The following SECISBP2 variants were observed in gnomAD, a reference collection of about 807,000 sequenced individuals.
The protein encoded by SECISBP2 is SECIS binding protein 2, also known as selenocysteine insertion sequence-binding protein 2.
Under a neutral mutation model 98.2 loss-of-function variants are expected in SECISBP2, and 96 were observed. That is an observed-to-expected ratio of 0.98 (90% confidence interval 0.83 to 1.16). SECISBP2 has a LOEUF of 1.16. Ranked by LOEUF, SECISBP2 falls within the 50% of genes most tolerant of loss-of-function variation. The pLI is 0.00. For missense variants in SECISBP2, 1,046 were observed against 1,022.9 expected (o/e 1.02, Z -0.31); for synonymous variants, 407 against 370.2 (o/e 1.10, Z -1.14).
intron 16 of SECISBP2, 113 bp from the exon 17 acceptor site, chr9:89,358,608 G>A (rs893136682): frequency 6.6e-6 from 5 of 760,976 alleles, no homozygotes; most frequent in Admixed American, 3.9e-5. Context: ...TCTGAGCACC[G>A]TGAGCTGCTG....
intron 5 of SECISBP2, chr9:89,330,118 A>G (rs966896756): frequency 3.9e-5 from 6 of 152,226 alleles, no homozygotes; most frequent in Admixed American, 6.5e-5. Flanking sequence ...GAACCTGTCC[A>G]TGGTACTGAG....
downstream of SECISBP2, chr9:89,362,461 TG>T: frequency 6.2e-7 from 1 of 1,613,976 alleles, no homozygotes; most frequent in East Asian, 2.2e-5. Flanking sequence ...GAATCCTTGG[TG>T]GAACGGATGG....
In SECISBP2 at chr9:89,325,418, T is replaced by C. The variant is rs1826521427; in HGVS notation, c.183-9T>C. On this transcript the variant is annotated splice_polypyrimidine_tract_variant and intron_variant, in intron 2 of 16. Coordinates refer to ENST00000375807, the MANE Select transcript of SECISBP2 (RefSeq NM_024077.5). ...AAATCTGCAACTAAAGTTTACACTTTTTACTTAGGCAGAAAATATATACTG... is the reference window on the plus strand; with the variant it reads ...AAATCTGCAACTAAAGTTTACACTTCTTACTTAGGCAGAAAATATATACTG... 6.2e-7 allele frequency: 1 copy of C among 1,613,592 alleles called. No individual in the cohort carries two copies. The highest frequency in any genetic ancestry group is 8.5e-7 in the Non-Finnish European group (1 of 1,179,868).
chr9:89,362,757 C>T (rs1832890300), downstream of SECISBP2, among the ~76,000 whole-genome samples: 1 of 152,250 alleles, frequency 6.6e-6, no homozygotes, highest in African/African-American at 2.4e-5. Context: ...GGGTGTACTG[C>T]TGGCAGCCAC....
downstream of SECISBP2, among the ~76,000 whole-genome samples, chr9:89,362,899 C>G (rs928782580): frequency 1.3e-5 from 2 of 152,202 alleles, no homozygotes; most frequent in Non-Finnish European, 2.9e-5. Flanking sequence ...AACTTTGTCT[C>G]CGTGGGGAGA....
chr9:89,346,837 G>A, intron 10 of SECISBP2, 45 bp from the exon 11 acceptor site: 4 of 1,611,834 alleles, frequency 2.5e-6, no homozygotes, highest in Non-Finnish European at 3.4e-6. Flanking sequence ...GCTGGGTGGG[G>A]CATCTGGGAG....
At position 89,346,933 on chromosome 9, in the gene SECISBP2, G is replaced by A. The variant is rs753273916; in HGVS notation, c.1487G>A (p.Arg496His). The A allele has an allele frequency of 1.9e-5, 30 of 1,614,024 alleles. No individual in the cohort carries two copies. In the East Asian group the frequency reaches 5.6e-4, roughly 30 times the overall value. ...GAATGTGCATCAGGGGAGAGAGGCC[G>A]CCGCATGAGTCAAATGAAGACCCCG... is the stretch of plus-strand genomic sequence containing the variant. Reference protein sequence around the residue: ...SKECASGERGRRMSQMKTPHN... With the variant: ...SKECASGERGHRMSQMKTPHN... Residue 496 changes from arginine to histidine, a missense_variant, in exon 11 of 17, where the codon CGC (arginine) becomes CAC (histidine). Transcript: ENST00000375807.
chr9:89,318,685 G>T (rs778636164), intron 1 of SECISBP2, 73 bp downstream of exon 1: 12 of 1,335,524 alleles, frequency 9.0e-6, no homozygotes, highest in Non-Finnish European at 1.2e-5. Flanking sequence ...TCGGCCGGGC[G>T]GTGACGGGGC....
rs975098621 is a variant in SECISBP2 at position 89,318,624 on chromosome 9, C to CG, written c.36+17dup. 2.5e-5 allele frequency: 36 copies of CG among 1,427,058 alleles called. No homozygotes were observed. In the South Asian group the frequency reaches 3.3e-4, roughly 13 times the overall value. 88.4% of individuals were successfully genotyped at this position (1,427,058 alleles called of 1,614,324 possible). A position where few individuals can be genotyped will look rare whatever the true frequency, so the allele number is the denominator to read the frequency against. ...AGCCCGAAAGCGAGGTAAGGGCCGA[C>CG]GGGGGCTCTCTCGGCAGCCTCAGTC... On this transcript the variant is annotated intron_variant, in intron 1 of 16. Coordinates refer to ENST00000375807, the MANE Select transcript of SECISBP2 (RefSeq NM_024077.5).
At chr9:89,323,885 T>TA (rs1215911397) in intron 2 of SECISBP2, 2 of 152,204 alleles carry the variant, frequency 1.3e-5, no homozygotes, top group Non-Finnish European at 2.9e-5. Flanking sequence ...CCAAATGACT[T>TA]ACCCAGAATA....
At chr9:89,326,148 A>C in intron 4 of SECISBP2, 110 bp downstream of exon 4, 2 of 1,327,428 alleles carry the variant, frequency 1.5e-6, no homozygotes, top group Non-Finnish European at 2.1e-6. Flanking sequence ...TGACTACTCC[A>C]AGAAATGAGA....
chr9:89,350,375 G>T (rs1365062427), intron 13 of SECISBP2, among the ~76,000 whole-genome samples: 1 of 152,226 alleles, frequency 6.6e-6, no homozygotes, highest in Non-Finnish European at 1.5e-5. Flanking sequence ...GCTGAGATGG[G>T]GACCTGTGGC....
intron 5 of SECISBP2, among the ~76,000 whole-genome samples, chr9:89,332,218 C>G (rs151169882): frequency 1.3e-5 from 2 of 151,930 alleles, no homozygotes; most frequent in Non-Finnish European, 2.9e-5. Flanking sequence ...TTCCCATATG[C>G]CCCTTGCCTG....
downstream of SECISBP2, among the ~76,000 whole-genome samples, chr9:89,360,565 G>C (rs905185493): frequency 2.6e-5 from 4 of 152,212 alleles, no homozygotes; most frequent in Admixed American, 1.3e-4. Flanking sequence ...AACAGAGTAG[G>C]TAGGCTTTTC....
chr9:89,351,460 T>C lies in SECISBP2; in HGVS notation c.2113+608T>C, dbSNP rs146837079. Among the ~76,000 whole-genome samples the C allele has an allele frequency of 2.9e-3, 437 of 152,246 alleles. 2 individuals carry two copies. The highest frequency in any genetic ancestry group is 0.01 in the African/African-American group (416 of 41,546). On this transcript the variant is annotated intron_variant, in intron 14 of 16. Coordinates refer to ENST00000375807, the MANE Select transcript of SECISBP2 (RefSeq NM_024077.5). ...ACTTGCCTGTGTTGTGTCCTCGAATTGAGCAATAGGAGAACTGATAAGAGC... is the reference window on the plus strand; with the variant it reads ...ACTTGCCTGTGTTGTGTCCTCGAATCGAGCAATAGGAGAACTGATAAGAGC...
At chr9:89,349,995 G>A (rs1051911134) in intron 13 of SECISBP2, 66 bp downstream of exon 13, 3 of 1,571,366 alleles carry the variant, frequency 1.9e-6, no homozygotes, top group Admixed American at 1.7e-5. Flanking sequence ...GTATGGCATT[G>A]ATATCTCCCA....
In SECISBP2 at chr9:89,348,117, C is replaced by T. The variant is rs1830707215; in HGVS notation, c.1641C>T (p.Leu547=). 1.4e-5 allele frequency: 22 copies of T among 1,614,022 alleles called. No homozygotes were observed. The highest frequency in any genetic ancestry group is 1.9e-5 in the Non-Finnish European group (22 of 1,179,888). ...AACGGCAAGAGAGAAAGCAGCGTCT[C>T]CAAGAAAATGCTGTGAGTCCAGCTT... is the stretch of plus-strand genomic sequence containing the variant. ...LKERQERKQR[L]QENAVSPAFT... The change falls in exon 12 of 17, where the codon CTC becomes CTT. Residue 547 remains leucine, a synonymous_variant. Transcript: ENST00000375807.
chr9:89,355,963 C>T (rs1832012685), intron 14 of SECISBP2, among the ~76,000 whole-genome samples: 1 of 152,184 alleles, frequency 6.6e-6, no homozygotes, highest in Admixed American at 6.5e-5. Flanking sequence ...ACCATGTTAG[C>T]CTGACATCTT....
intron 10 of SECISBP2, among the ~76,000 whole-genome samples, chr9:89,346,223 T>G (rs552804526): frequency 6.6e-6 from 1 of 152,302 alleles, no homozygotes; most frequent in South Asian, 2.1e-4. Flanking sequence ...AACTGATTAC[T>G]TGAAATAACT....
Sources: allele counts gnomAD v4.1 joint callset (sites outside exome capture counted in the v4.1 genomes callset), GRCh38; gene constraint gnomAD v4.1.1; transcripts MANE v1.5; gene names NCBI Gene and HGNC (gene_info 2026-07-23, HGNC 2026-07-21).